SH3D19: variants seen among roughly 807,000 people sequenced by gnomAD.
SH3D19 encodes the protein SH3 domain-containing protein 19.
Under a neutral mutation model 112.1 loss-of-function variants are expected in SH3D19, and 58 were observed. The ratio of observed to expected loss-of-function variants is 0.52; its 90% CI spans 0.42 to 0.64. SH3D19 has a LOEUF of 0.64. SH3D19 is among the 30% of genes least tolerant of loss of function. The probability of loss-of-function intolerance (pLI) is 0.00; values close to 1 mark genes in which losing one functional copy is unlikely to be tolerated. For synonymous variants in SH3D19, 391 were observed against 448.5 expected, an observed-to-expected ratio of 0.87 and a Z score of 1.62; for missense variants, 1,090 against 1,263.4, an observed-to-expected ratio of 0.86 and a Z score of 2.08.
intron 2 of SH3D19, among the ~76,000 whole-genome samples, chr4:151,194,982 T>A (rs1004933591): frequency 2.0e-5 from 3 of 147,364 alleles, no homozygotes; most frequent in Non-Finnish European, 3.0e-5. Context: ...GGCTGAGGCA[T>A]GAGAATCACT....
At chr4:151,309,227 A>C (rs114766274) in intron 1 of SH3D19, among the ~76,000 whole-genome samples, 1,839 of 152,342 alleles carry the variant, frequency 0.012, 17 homozygotes, top group Non-Finnish European at 0.02. Flanking sequence ...CCATCAGCTA[A>C]GGTGAGCATG....
chr4:151,275,852 T>TA (rs1333928714), intron 1 of SH3D19, among the ~76,000 whole-genome samples: 62 of 42,270 alleles, frequency 1.5e-3, no homozygotes, highest in South Asian at 2.2e-3. Context: ...ATTATTATTT[T>TA]TTTTTTTTTA....
chr4:151,147,169 C>T (rs1216422303), intron 11 of SH3D19, among the ~76,000 whole-genome samples: 1 of 152,206 alleles, frequency 6.6e-6, no homozygotes, highest in Non-Finnish European at 1.5e-5. Context: ...GATCCCTGAG[C>T]TCTGGAGGTC....
chr4:151,170,982 AT>A (rs1758937263), intron 7 of SH3D19, among the ~76,000 whole-genome samples: 1 of 152,210 alleles, frequency 6.6e-6, no homozygotes, highest in Non-Finnish European at 1.5e-5. Context: ...TTTTCACCTA[AT>A]AATATCTTGG....
chr4:151,144,817 C>G (rs182062331), intron 11 of SH3D19, among the ~76,000 whole-genome samples: 1 of 152,328 alleles, frequency 6.6e-6, no homozygotes, highest in African/African-American at 2.4e-5. Flanking sequence ...TCAGCTCTGT[C>G]TGATCTTAGA....
chr4:151,216,683 T>C (rs1767160941), intron 2 of SH3D19, among the ~76,000 whole-genome samples: 1 of 152,142 alleles, frequency 6.6e-6, no homozygotes, highest in Non-Finnish European at 1.5e-5. Flanking sequence ...TGTTCCAAAG[T>C]TAACTGCCTG....
intron 7 of SH3D19, among the ~76,000 whole-genome samples, chr4:151,166,522 A>C (rs1191212533): frequency 6.6e-6 from 1 of 152,010 alleles, no homozygotes; most frequent in Non-Finnish European, 1.5e-5. Context: ...GAAATCTACA[A>C]GTAAAAATAT....
At chr4:151,150,206 A>T (rs139370001) in intron 9 of SH3D19, among the ~76,000 whole-genome samples, 90 of 46,130 alleles carry the variant, frequency 2.0e-3, no homozygotes, top group Non-Finnish European at 2.3e-3. Context: ...AAAAAAAAAA[A>T]ATATATATAT....
intron 1 of SH3D19, among the ~76,000 whole-genome samples, chr4:151,228,220 A>T (rs1769288475): frequency 6.6e-6 from 1 of 152,138 alleles, no homozygotes. Context: ...TATTAGTGTT[A>T]TCTGTGTTAC....
intron 1 of SH3D19, chr4:151,282,487 T>C (rs2150009379): frequency 6.8e-7 from 1 of 1,471,436 alleles, no homozygotes; most frequent in East Asian, 2.3e-5. Context: ...ATTCTAGGCA[T>C]ATCCTTACCA....
At chr4:151,211,768 T>C (rs1276924967) in intron 2 of SH3D19, among the ~76,000 whole-genome samples, 1 of 152,176 alleles carries the variant, frequency 6.6e-6, no homozygotes, top group East Asian at 1.9e-4. Flanking sequence ...CTCTCTTCAA[T>C]TCTATGAAGG....
chr4:151,264,866 T>C (rs1253628880), intron 1 of SH3D19, among the ~76,000 whole-genome samples: 4 of 152,134 alleles, frequency 2.6e-5, no homozygotes, highest in Admixed American at 6.5e-5. Flanking sequence ...TTGGATTTCA[T>C]AGGATGCGGA....
chr4:151,316,311 G>A (rs748800106), intron 1 of SH3D19, among the ~76,000 whole-genome samples: 9 of 152,166 alleles, frequency 5.9e-5, no homozygotes, highest in Non-Finnish European at 1.2e-4. Flanking sequence ...AACTGTCATA[G>A]CCAAGGGGAG....
At chr4:151,279,014 A>G in intron 1 of SH3D19, 6 of 270,802 alleles carry the variant, frequency 2.2e-5, no homozygotes, top group South Asian at 4.7e-5. Context: ...TGTGCTAGCT[A>G]CCAGCTAGAG....
intron 17 of SH3D19, among the ~76,000 whole-genome samples, chr4:151,131,302 T>C (rs1750639848): frequency 6.6e-6 from 1 of 152,028 alleles, no homozygotes; most frequent in Non-Finnish European, 1.5e-5. Context: ...TTCTCTCTTT[T>C]TTTTTTAACA....
chr4:151,181,914 C>T (rs1760998654), intron 3 of SH3D19, among the ~76,000 whole-genome samples: 1 of 152,052 alleles, frequency 6.6e-6, no homozygotes, highest in Admixed American at 6.5e-5. Context: ...TAAAGAAATA[C>T]TGCCGCAAAG....
At chr4:151,227,827 T>TA in intron 1 of SH3D19, 2 of 985,470 alleles carry the variant, frequency 2.0e-6, no homozygotes, top group Non-Finnish European at 2.4e-6. Context: ...CCTAGTTACA[T>TA]AGTTTACTTA....
chr4:151,242,810 A>C (rs931130259), intron 1 of SH3D19, among the ~76,000 whole-genome samples: 4 of 152,352 alleles, frequency 2.6e-5, no homozygotes, highest in African/African-American at 9.6e-5. Context: ...ATATTTAACA[A>C]GGGATATAAG....
chr4:151,243,454 CAAAAT>C (rs1770703742), intron 1 of SH3D19, among the ~76,000 whole-genome samples: 1 of 152,162 alleles, frequency 6.6e-6, no homozygotes, highest in Non-Finnish European at 1.5e-5. Context: ...GCCCTCAAAA[CAAAAT>C]GAGAGGGAAT....
Sources: gnomAD v4.1 joint callset for allele counts (sites outside exome capture counted in the v4.1 genomes callset) on GRCh38, gnomAD v4.1.1 for gene constraint, MANE v1.5 for transcripts, NCBI Gene and HGNC (gene_info 2026-07-23, HGNC 2026-07-21) for gene names.